STAM: variants seen among roughly 807,000 people sequenced by gnomAD.
STAM encodes the protein signal transducing adapter molecule 1.
Under a neutral mutation model 63.4 loss-of-function variants are expected in STAM, and 16 were observed. The observed-to-expected ratio is 0.25, with a 90% confidence interval of 0.17 to 0.38. The LOEUF (loss-of-function observed/expected upper bound fraction) is 0.38, where lower values mean the gene tolerates loss of function less well. Ranked by LOEUF, STAM falls within the 10% of genes least tolerant of loss-of-function variation. The pLI, the probability that STAM is intolerant of heterozygous loss-of-function variation, is 1.00. For synonymous variants in STAM, 238 were observed against 223.9 expected (o/e 1.06, Z -0.56); for missense variants, 636 against 657.1 (o/e 0.97, Z 0.35).
At chr10:17,688,494 T>C (rs782072347) in intron 5 of STAM, among the ~76,000 whole-genome samples, 1 of 152,146 alleles carries the variant, frequency 6.6e-6, no homozygotes, top group Non-Finnish European at 1.5e-5. Flanking sequence ...ACGGAGTCTT[T>C]GTTTGTCGCC....
intron 12 of STAM, among the ~76,000 whole-genome samples, chr10:17,706,372 T>C (rs1589111473): frequency 7.2e-5 from 7 of 96,590 alleles, no homozygotes; most frequent in Admixed American, 1.2e-4. Flanking sequence ...TGAGGCCCTT[T>C]TTTTTTTTTT....
chr10:17,644,176 G>T lies in STAM; in HGVS notation c.-164G>T. On this transcript the variant is annotated 5_prime_UTR_variant, in exon 1 of 14. Coordinates refer to ENST00000377524, the MANE Select transcript of STAM (RefSeq NM_003473.4). The stretch of plus-strand genomic sequence containing the variant: ...CCTTGCTGTTGCCGCCGCCGCAGCT[G>T]CTGCCGCGGTTGGTGGGGTTGGGTG... 1.4e-6 allele frequency: 1 copy of T among 708,220 alleles called. No homozygotes were observed. Among genetic ancestry groups the T allele is most frequent in the Non-Finnish European group, 2.4e-6 (1 of 413,462 alleles). The allele number at this position is 708,220 out of a possible 1,614,324, so 43.9% of individuals were successfully genotyped here.
At chr10:17,699,600 A>G (rs975313048) in intron 8 of STAM, among the ~76,000 whole-genome samples, 1 of 152,184 alleles carries the variant, frequency 6.6e-6, no homozygotes, top group African/African-American at 2.4e-5. Flanking sequence ...TATAACTAGA[A>G]AATACAGGCT....
rs925409128 is a variant in STAM at position 17,714,611 on chromosome 10, C to A, written c.1454C>A (p.Ala485Asp). 6 of 1,614,062 alleles carry A rather than the reference C, an allele frequency of 3.7e-6. No individual in the cohort carries two copies. The highest frequency in any genetic ancestry group is 5.1e-6 in the Non-Finnish European group (6 of 1,180,044). ...GCGCCAGTATATAGTCCTCCTCCTGCCGCTACTGCTGCTGCTGCAACTGCC... is the reference window on the plus strand; with the variant it reads ...GCGCCAGTATATAGTCCTCCTCCTGACGCTACTGCTGCTGCTGCAACTGCC... ...SQAPVYSPPP[A>D]ATAAAATADV... Residue 485 changes from alanine (A) to aspartate (D), a missense_variant, in exon 14 of 14, where the codon GCC becomes GAC. This residue lies in a region of STAM where 532 missense variants were observed against 536.9 expected (regional missense o/e 0.99). Coordinates refer to ENST00000377524, the MANE Select transcript of STAM (RefSeq NM_003473.4).
chr10:17,672,687 A>G (rs1834689173), intron 2 of STAM, among the ~76,000 whole-genome samples: 1 of 152,340 alleles, frequency 6.6e-6, no homozygotes, highest in East Asian at 1.9e-4. Context: ...AGTTGGCTGT[A>G]TTGGACACAT....
Position 17,708,950 on chromosome 10 carries a change from A to G in STAM, c.1384A>G (p.Asn462Asp), listed in dbSNP as rs1197974481. 10 of 1,612,926 alleles carry G rather than the reference A, an allele frequency of 6.2e-6. No homozygotes were observed. The highest frequency in any genetic ancestry group is 1.6e-4 in the Middle Eastern group (1 of 6,076). ...PSQQTQAAYP[N>D]TMVSSVQGNT... is the part of the protein sequence containing the mutation. ...TCAGCAGACTCAGGCCGCTTACCCA[A>G]AGTAATTTTACTGTTGATTCTTGTT... The change falls in exon 13 of 14, where the codon AAT becomes GAT. Residue 462 changes from asparagine (N) to aspartate (D), a missense_variant and splice_region_variant. This residue lies in a region of STAM where 532 missense variants were observed against 536.9 expected (regional missense o/e 0.99). Coordinates refer to ENST00000377524, the MANE Select transcript of STAM (RefSeq NM_003473.4).
At chr10:17,704,752 T>C (rs75499514) in intron 10 of STAM, among the ~76,000 whole-genome samples, 5,794 of 152,236 alleles carry the variant, frequency 0.038, 366 homozygotes, top group African/African-American at 0.13. Context: ...AAATGAAAAA[T>C]GGCACTTTAA....
intron 2 of STAM, among the ~76,000 whole-genome samples, chr10:17,679,051 T>C (rs1554824977): frequency 6.6e-6 from 1 of 152,220 alleles, no homozygotes; most frequent in African/African-American, 2.4e-5. Flanking sequence ...GTGAATACTA[T>C]TAATACTACT....
At position 17,705,109 on chromosome 10, in the gene STAM, TA is replaced by T. The variant is rs11419676; in HGVS notation, c.1055+95del. Reference sequence around the variant, plus strand: ...TGCAAAGTGGGCTATAACTGCCTTTTAAAAAAAAAATATTGTGGAGGAACCA... The same window carrying T: ...TGCAAAGTGGGCTATAACTGCCTTTTAAAAAAAAATATTGTGGAGGAACCA... On this transcript the variant is annotated intron_variant, in intron 11 of 13. Coordinates refer to ENST00000377524, the MANE Select transcript of STAM (RefSeq NM_003473.4). The T allele has an allele frequency of 8.8e-3, 8,799 of 998,754 alleles. 1 individual carries two copies. The highest frequency in any genetic ancestry group is 0.016 in the South Asian group (975 of 61,680). The allele number at this position is 998,754 out of a possible 1,614,324, so 61.9% of individuals were successfully genotyped here. A position where few individuals can be genotyped will look rare whatever the true frequency, so the allele number is the denominator to read the frequency against.
intron 13 of STAM, among the ~76,000 whole-genome samples, chr10:17,713,639 A>C (rs911834851): frequency 6.6e-6 from 1 of 151,978 alleles, no homozygotes; most frequent in South Asian, 2.1e-4. Context: ...GTTCATTATC[A>C]TATTTTGAAG....
At chr10:17,709,958 C>T (rs1399087263) in intron 13 of STAM, among the ~76,000 whole-genome samples, 1 of 150,376 alleles carries the variant, frequency 6.6e-6, no homozygotes, top group Non-Finnish European at 1.5e-5. Context: ...GTAGCTTGCA[C>T]TCTTGCAGGA....
At chr10:17,695,601 GT>G (rs1182083488) in intron 7 of STAM, 4 of 163,688 alleles carry the variant, frequency 2.4e-5, no homozygotes, top group Non-Finnish European at 5.3e-5. Context: ...AATCTATTGA[GT>G]TTTTTTTACA....
At chr10:17,703,103 A>G (rs959811975) in intron 9 of STAM, among the ~76,000 whole-genome samples, 1 of 151,960 alleles carries the variant, frequency 6.6e-6, no homozygotes, top group East Asian at 1.9e-4. Flanking sequence ...CTTCTTTGAC[A>G]CTAAATAATT....
At chr10:17,701,913 C>T (rs1554828528) in intron 9 of STAM, among the ~76,000 whole-genome samples, 1 of 152,082 alleles carries the variant, frequency 6.6e-6, no homozygotes, top group Non-Finnish European at 1.5e-5. Context: ...GAGATGGTTC[C>T]ATATTTTTTG....
chr10:17,668,720 AGCCTT>A (rs1834502893), intron 2 of STAM, among the ~76,000 whole-genome samples: 1 of 152,206 alleles, frequency 6.6e-6, no homozygotes, highest in Admixed American at 6.5e-5. Flanking sequence ...TAGACTATAT[AGCCTT>A]TTCAGACTGG....
At chr10:17,704,937 T>C in intron 10 of STAM, 33 bp from the exon 11 acceptor site, 1 of 1,584,792 alleles carries the variant, frequency 6.3e-7, no homozygotes, top group South Asian at 1.1e-5. Context: ...TTTCTTGTAC[T>C]TTCTTATATT....
At chr10:17,701,105 C>G (rs1835975460) in intron 9 of STAM, among the ~76,000 whole-genome samples, 1 of 152,024 alleles carries the variant, frequency 6.6e-6, no homozygotes, top group South Asian at 2.1e-4. Flanking sequence ...CTTTTTGGAG[C>G]CACATAATGG....
Position 17,696,936 on chromosome 10 carries a change from A to G in STAM, c.823+67A>G, listed in dbSNP as rs1554827618. The G allele has an allele frequency of 3.6e-6, 5 of 1,383,016 alleles. No individual in the cohort carries two copies. In the Admixed American group the frequency reaches 8.7e-5, roughly 24 times the overall value. 85.7% of individuals were successfully genotyped at this position (1,383,016 alleles called of 1,614,324 possible). A position where few individuals can be genotyped will look rare whatever the true frequency, so the allele number is the denominator to read the frequency against. On this transcript the variant is annotated intron_variant, in intron 8 of 13. Transcript: ENST00000377524. The stretch of plus-strand genomic sequence containing the variant: ...CCTTTTCTTAATGGAAGTTGAGTAA[A>G]CTGAACTTTTTAGAGCAGTGTTGCC...
At chr10:17,673,136 C>A in intron 2 of STAM, 1 of 656,574 alleles carries the variant, frequency 1.5e-6, no homozygotes, top group Non-Finnish European at 1.9e-6. Context: ...TTTTCTCTTA[C>A]CATGTATTTT....
Sources: allele counts gnomAD v4.1 joint callset (sites outside exome capture counted in the v4.1 genomes callset), GRCh38; gene constraint gnomAD v4.1.1; regional missense constraint gnomAD v4.1.1; transcripts MANE v1.5; gene names NCBI Gene and HGNC (gene_info 2026-07-23, HGNC 2026-07-21).